Variants in MTERF4 observed in about 807,000 individuals in gnomAD.
MTERF4 encodes the protein transcription termination factor 4, mitochondrial.
A neutral mutation model predicts 22.5 loss-of-function variants in MTERF4; 17 were observed. That is an observed-to-expected ratio of 0.75 (90% CI 0.52 to 1.13). The LOEUF is 1.13. Among genes scored for constraint, MTERF4 ranks in the 50% most tolerant of loss-of-function variants. MTERF4 has a pLI of 0.00. For missense variants in MTERF4, 420 were observed against 466.8 expected, an observed-to-expected ratio of 0.90 and a Z score of 0.92; for synonymous variants, 165 against 175.3, an observed-to-expected ratio of 0.94 and a Z score of 0.47.
In MTERF4 at chr2:241,073,478, A is replaced by C; in HGVS notation, n.2684T>G. ...TGAGGAATCAGGAGGCACAGAGCCT[A>C]CCTGAGGGGAGGCTGAGCACCAGGC... On this transcript the variant is annotated non_coding_transcript_exon_variant, in exon 5 of 5. Transcript: ENST00000464344. The surrounding 1 kb of genome is among the most constrained non-coding windows in gnomAD (Gnocchi z 6.6). 9.3e-6 allele frequency: 8 copies of C among 862,202 alleles called. No homozygotes were observed. The highest frequency in any genetic ancestry group is 1.5e-5 in the Non-Finnish European group (8 of 522,914). The allele number at this position is 862,202 out of a possible 1,614,324, so 53.4% of individuals were successfully genotyped here.
the MTERF4 span, chr2:241,051,585 T>C: frequency 2.0e-6 from 1 of 497,484 alleles, no homozygotes. This position sits in a 1 kb window ranked among gnomAD's most constrained non-coding sequence, Gnocchi z 4.7. Flanking sequence ...CCCCACCATG[T>C]GTGCGGACCT....
downstream of MTERF4, chr2:241,090,023 G>C: frequency 2.6e-6 from 4 of 1,547,698 alleles, no homozygotes; most frequent in South Asian, 4.8e-5. Context: ...AGGACTGGCA[G>C]TTGCACAATA....
downstream of MTERF4, chr2:241,088,374 T>C (rs1247165998): frequency 1.9e-6 from 3 of 1,610,636 alleles, no homozygotes; most frequent in Non-Finnish European, 2.5e-6. Context: ...GGAAACAAAG[T>C]AAGAGTCAGA....
At chr2:241,068,299 G>A (rs566553111), downstream of MTERF4, among the ~76,000 whole-genome samples, 14 of 148,168 alleles carry the variant, frequency 9.4e-5, no homozygotes, top group East Asian at 1.9e-4. The surrounding 1 kb of genome is among the most constrained non-coding windows in gnomAD (Gnocchi z 5.3). Flanking sequence ...TAGCAGCCCC[G>A]AGCTCTCCCA....
chr2:241,049,344 A>G, the MTERF4 span, among the ~76,000 whole-genome samples: 1 of 152,234 alleles, frequency 6.6e-6, no homozygotes, highest in East Asian at 1.9e-4. Context: ...CACAGGGGGA[A>G]AAGCACTTCT....
chr2:241,056,175 C>G, the MTERF4 span, among the ~76,000 whole-genome samples: 16 of 151,738 alleles, frequency 1.1e-4, no homozygotes, highest in South Asian at 3.1e-3. Context: ...TAAAGAAAAA[C>G]GAGAGGCAGA....
At chr2:241,057,386 T>A in the MTERF4 span, among the ~76,000 whole-genome samples, 19 of 45,476 alleles carry the variant, frequency 4.2e-4, 1 homozygote, top group African/African-American at 1.2e-3. Flanking sequence ...TCAAAATATA[T>A]ATATATATAT....
intron 1 of MTERF4, among the ~76,000 whole-genome samples, chr2:241,100,410 C>T (rs1335600534): frequency 6.6e-6 from 1 of 152,208 alleles, no homozygotes; most frequent in Non-Finnish European, 1.5e-5. Flanking sequence ...AGCCTAAAGA[C>T]CTTATGAGGA....
the MTERF4 span, chr2:241,049,854 C>T: frequency 2.5e-6 from 4 of 1,613,722 alleles, no homozygotes; most frequent in Non-Finnish European, 3.4e-6. Context: ...CCTGCTTCAA[C>T]GGAGGCTCCT....
the MTERF4 span, chr2:241,052,074 A>T: frequency 6.2e-7 from 1 of 1,613,878 alleles, no homozygotes; most frequent in Middle Eastern, 1.6e-4. Flanking sequence ...GGCCCCTGTC[A>T]CAACGGCGGC....
At chr2:241,091,659 A>G (rs774366568), downstream of MTERF4, 8 of 152,124 alleles carry the variant, frequency 5.3e-5, no homozygotes, top group Non-Finnish European at 1.2e-4. The surrounding 1 kb of genome is among the most constrained non-coding windows in gnomAD (Gnocchi z 4.1). Context: ...TTCTTGTTAC[A>G]CTCCACCAAC....
At chr2:241,063,742 C>A in the MTERF4 span, 1 of 1,370,542 alleles carries the variant, frequency 7.3e-7, no homozygotes, top group Non-Finnish European at 1.0e-6. Context: ...AGAGCCTGGG[C>A]CTCTGGAAGA....
At chr2:241,052,276 T>C in the MTERF4 span, 1 of 1,440,620 alleles carries the variant, frequency 6.9e-7, no homozygotes, top group African/African-American at 1.4e-5. Flanking sequence ...TGGAGCTGGG[T>C]GCAGGAGGCA....
chr2:241,084,117 T>C (rs1457802800), downstream of MTERF4, among the ~76,000 whole-genome samples: 2 of 150,356 alleles, frequency 1.3e-5, no homozygotes, highest in African/African-American at 2.5e-5. Context: ...GAGTTCAATA[T>C]GATGGCAGCG....
At chr2:241,084,773 A>G (rs2063502064), downstream of MTERF4, among the ~76,000 whole-genome samples, 1 of 152,168 alleles carries the variant, frequency 6.6e-6, no homozygotes, top group Non-Finnish European at 1.5e-5. Context: ...TCTCTTTGCC[A>G]TAAGAACTTA....
chr2:241,072,227 C>T, exon 5 of MTERF4: 1 of 514,716 alleles, frequency 1.9e-6, no homozygotes, highest in Non-Finnish European at 3.8e-6. Flanking sequence ...TTTAGTAAAC[C>T]ATGGGCAGGA....
downstream of MTERF4, chr2:241,082,446 C>A: frequency 1.9e-6 from 2 of 1,073,358 alleles, no homozygotes; most frequent in South Asian, 1.4e-5. Context: ...AGCTACCCAG[C>A]TAACCCTGAG....
chr2:241,049,763 G>A, the MTERF4 span: 49 of 1,419,744 alleles, frequency 3.5e-5, no homozygotes, highest in Non-Finnish European at 4.7e-5. Flanking sequence ...GCCTCTTGCC[G>A]CCCGCACAGA....
At position 241,096,205 on chromosome 2, in the gene MTERF4, A is replaced by G; in HGVS notation, c.939T>C (p.Phe313=). The G allele has an allele frequency of 6.2e-7, 1 of 1,614,138 alleles. No homozygotes were observed. The highest frequency in any genetic ancestry group is 8.5e-7 in the Non-Finnish European group (1 of 1,180,018). Reference sequence around the variant, plus strand: ...GAGCCAGGAGCTTCTTAAAAACTTGAAACTCCTCAACAGAAGTACAGGCTG... The same window carrying G: ...GAGCCAGGAGCTTCTTAAAAACTTGGAACTCCTCAACAGAAGTACAGGCTG... The part of the protein sequence containing the change: ...ARTACTSVEE[F]QVFKKLLARE... The change falls in exon 4 of 4, where the codon TTT becomes TTC. Residue 313 remains phenylalanine, a synonymous_variant. Transcript: ENST00000391980. The surrounding 1 kb of genome is among the most constrained non-coding windows in gnomAD (Gnocchi z 5.1).
Sources: allele counts gnomAD v4.1 joint callset (sites outside exome capture counted in the v4.1 genomes callset), GRCh38; gene constraint gnomAD v4.1.1; non-coding constraint Gnocchi (gnomAD v3.1); transcripts MANE v1.5; gene names NCBI Gene and HGNC (gene_info 2026-07-23, HGNC 2026-07-21).